The following NAMPT variants were observed in gnomAD, a reference collection of about 807,000 sequenced individuals.
The protein encoded by NAMPT is NAmPRTase.
NAMPT carries 7 observed loss-of-function variants against 58.7 expected under a neutral mutation model. The ratio of observed to expected loss-of-function variants is 0.12; its 90% confidence interval spans 0.07 to 0.22. The LOEUF (loss-of-function observed/expected upper bound fraction) is 0.22, where lower values mean the gene tolerates loss of function less well. NAMPT is among the 10% of genes least tolerant of loss of function. The pLI is 1.00. For synonymous variants in NAMPT, 145 were observed against 198.1 expected, an observed-to-expected ratio of 0.73 and a Z score of 2.25; for missense variants, 271 against 567.9, an observed-to-expected ratio of 0.48 and a Z score of 5.31.
chr7:106,262,374 CTAAA>C (rs1249294403), intron 7 of NAMPT, among the ~76,000 whole-genome samples: 12 of 149,366 alleles, frequency 8.0e-5, no homozygotes, highest in Admixed American at 5.4e-4. Flanking sequence ...TTTCTTTTTC[CTAAA>C]TAAACTGATT....
In NAMPT at chr7:106,261,712, A is replaced by G. The variant is rs1183929241; in HGVS notation, c.970-5T>C. On this transcript the variant is annotated splice_region_variant and splice_polypyrimidine_tract_variant and intron_variant, in intron 7 of 10. Coordinates refer to ENST00000222553, the MANE Select transcript of NAMPT (RefSeq NM_005746.3). ...CTTACCTAAAATCTCCAAAACCTATATGGAAAAATACACATGCAACACAAA... is the reference window on the plus strand; with the variant it reads ...CTTACCTAAAATCTCCAAAACCTATGTGGAAAAATACACATGCAACACAAA... 6.2e-6 allele frequency: 10 copies of G among 1,604,104 alleles called. No individual in the cohort carries two copies. In the East Asian group the frequency reaches 1.1e-4, roughly 18 times the overall value.
intron 6 of NAMPT, among the ~76,000 whole-genome samples, chr7:106,267,112 A>G (rs951035591): frequency 1.3e-5 from 2 of 152,256 alleles, no homozygotes; most frequent in African/African-American, 4.8e-5. Context: ...GTTGGCTATT[A>G]AATTTTACCA....
chr7:106,279,517 TATA>T (rs1175470630), intron 1 of NAMPT, among the ~76,000 whole-genome samples: 1 of 152,248 alleles, frequency 6.6e-6, no homozygotes, highest in African/African-American at 2.4e-5. Flanking sequence ...CAAAAGGATT[TATA>T]ATGATTCTAG....
intron 3 of NAMPT, among the ~76,000 whole-genome samples, chr7:106,274,206 T>C (rs77609104): frequency 6.6e-6 from 1 of 151,780 alleles, no homozygotes; most frequent in Non-Finnish European, 1.5e-5. Context: ...GAATTATGTG[T>C]AGTGATAGAC....
At chr7:106,276,149 A>G (rs1792634891) in intron 2 of NAMPT, 2 of 152,222 alleles carry the variant, frequency 1.3e-5, no homozygotes, top group Admixed American at 6.5e-5. Context: ...CTAATCTTAA[A>G]AGAGTCAAGA....
At chr7:106,278,862 G>C (rs951434672) in intron 1 of NAMPT, among the ~76,000 whole-genome samples, 1 of 152,160 alleles carries the variant, frequency 6.6e-6, no homozygotes, top group Non-Finnish European at 1.5e-5. Context: ...GGATCTTATA[G>C]CACAAGTTTG....
At chr7:106,254,837 C>G (rs1792170901) in intron 8 of NAMPT, among the ~76,000 whole-genome samples, 1 of 152,112 alleles carries the variant, frequency 6.6e-6, no homozygotes, top group African/African-American at 2.4e-5. Context: ...TCTCATTCAC[C>G]TCGTTAAGTT....
chr7:106,284,681 GCCCGCGCCTCC>G (rs1792833432), intron 1 of NAMPT, 136 bp downstream of exon 1: 2 of 976,752 alleles, frequency 2.0e-6, no homozygotes, highest in African/African-American at 1.8e-5. Flanking sequence ...AGCCGCCGCC[GCCCGCGCCTCC>G]CCCGGGCCTC....
chr7:106,264,239 T>C (rs1414307548), intron 6 of NAMPT, among the ~76,000 whole-genome samples: 1 of 152,070 alleles, frequency 6.6e-6, no homozygotes, highest in Admixed American at 6.6e-5. Context: ...AATTAATATA[T>C]GCCCAGGGAA....
chr7:106,263,835 C>T (rs1423777562), intron 6 of NAMPT, among the ~76,000 whole-genome samples: 1 of 151,984 alleles, frequency 6.6e-6, no homozygotes, highest in South Asian at 2.1e-4. Flanking sequence ...AGCCTTACTC[C>T]TCTTCAATGG....
Position 106,251,030 on chromosome 7 carries a change from G to C in NAMPT, c.*53C>G. On this transcript the variant is annotated 3_prime_UTR_variant, in exon 11 of 11. Transcript: ENST00000222553. ...CATAAAACACAAACCCCACACATCT[G>C]TACAATAAACATTATGTATTACATA... 1 of 1,329,080 alleles carries C rather than the reference G, an allele frequency of 7.5e-7. No homozygotes were observed. Among genetic ancestry groups the C allele is most frequent in the Middle Eastern group, 2.1e-4 (1 of 4,838 alleles). The allele number at this position is 1,329,080 out of a possible 1,614,324, so 82.3% of individuals were successfully genotyped here.
At chr7:106,257,627 CAAAA>C (rs71156310) in intron 8 of NAMPT, among the ~76,000 whole-genome samples, 1 of 139,478 alleles carries the variant, frequency 7.2e-6, no homozygotes, top group African/African-American at 2.8e-5. Flanking sequence ...GAGTCCCTGT[CAAAA>C]AAAAAAAATC....
intron 8 of NAMPT, among the ~76,000 whole-genome samples, chr7:106,258,920 C>T (rs1792256316): frequency 6.6e-6 from 1 of 152,170 alleles, no homozygotes; most frequent in Non-Finnish European, 1.5e-5. Flanking sequence ...TTGACTCTAT[C>T]ACGAAAGATT....
intron 2 of NAMPT, chr7:106,275,319 T>G (rs1792612743): frequency 4.5e-6 from 1 of 219,880 alleles, no homozygotes; most frequent in African/African-American, 2.3e-5. Flanking sequence ...TGATATTAAC[T>G]TAATTTTTTT....
At chr7:106,257,002 C>T (rs113222854) in intron 8 of NAMPT, among the ~76,000 whole-genome samples, 7,549 of 151,954 alleles carry the variant, frequency 0.05, 633 homozygotes, top group African/African-American at 0.17. Context: ...ATGGTGAAAC[C>T]CTATTTCTAC....
intron 6 of NAMPT, among the ~76,000 whole-genome samples, chr7:106,267,658 G>C (rs924449056): frequency 6.6e-6 from 1 of 150,798 alleles, no homozygotes; most frequent in African/African-American, 2.4e-5. Flanking sequence ...TGACTAAAAC[G>C]GTGAAACCCC....
At chr7:106,267,593 G>A (rs1792437663) in intron 6 of NAMPT, among the ~76,000 whole-genome samples, 1 of 151,924 alleles carries the variant, frequency 6.6e-6, no homozygotes, top group Non-Finnish European at 1.5e-5. Flanking sequence ...TGTAATCCCA[G>A]CACTTTGGGA....
At chr7:106,260,732 T>C (rs56232082) in intron 8 of NAMPT, among the ~76,000 whole-genome samples, 1,532 of 152,332 alleles carry the variant, frequency 0.01, 30 homozygotes, top group African/African-American at 0.035. Context: ...GGGTTATTAA[T>C]TGACCTAATT....
rs528975171 is a variant in NAMPT at position 106,282,005 on chromosome 7, CAT to C, written c.57+2821_57+2822del. On this transcript the variant is annotated intron_variant, in intron 1 of 10. Transcript: ENST00000222553. ...CTCAAGTTTTTCCTATATAACAAAA[CAT>C]AATGGAAAAATTGAAATATATGTAC... Among the ~76,000 whole-genome samples the C allele has an allele frequency of 5.3e-5, 8 of 151,898 alleles. No individual in the cohort carries two copies. The South Asian group carries it at 1.7e-3, about 32-fold the overall frequency.
Sources: allele counts gnomAD v4.1 joint callset (sites outside exome capture counted in the v4.1 genomes callset), GRCh38; gene constraint gnomAD v4.1.1; transcripts MANE v1.5; gene names NCBI Gene and HGNC (gene_info 2026-07-23, HGNC 2026-07-21).